RALGAPA2: variants seen among roughly 807,000 people sequenced by gnomAD.
The protein encoded by RALGAPA2 is ral GTPase-activating protein subunit alpha-2.
RALGAPA2 carries 139 observed loss-of-function variants against 230.4 expected under a neutral mutation model. That is an observed-to-expected ratio of 0.60 (90% CI 0.53 to 0.69). The LOEUF (loss-of-function observed/expected upper bound fraction) is 0.69. Among genes scored for constraint, RALGAPA2 ranks in the 30% least tolerant of loss-of-function variants. The pLI, the probability that RALGAPA2 is intolerant of heterozygous loss-of-function variation, is 0.00. For missense variants in RALGAPA2, 2,163 were observed against 2,276.0 expected (o/e 0.95, Z 1.01); for synonymous variants, 847 against 837.8 (o/e 1.01, Z -0.19).
intron 33 of RALGAPA2, among the ~76,000 whole-genome samples, chr20:20,508,275 A>T (rs1228885774): frequency 1.3e-5 from 2 of 152,258 alleles, no homozygotes; most frequent in Non-Finnish European, 2.9e-5. Context: ...ATAATTAGCA[A>T]CATCAACAGC....
At chr20:20,423,532 C>A (rs2122884130) in intron 37 of RALGAPA2, among the ~76,000 whole-genome samples, 1 of 152,298 alleles carries the variant, frequency 6.6e-6, no homozygotes, top group East Asian at 1.9e-4. Context: ...TTCCCTGGTA[C>A]CTGCCTCAAA....
chr20:20,673,470 A>T (rs2068210922), intron 3 of RALGAPA2, among the ~76,000 whole-genome samples: 1 of 152,032 alleles, frequency 6.6e-6, no homozygotes, highest in African/African-American at 2.4e-5. Flanking sequence ...TGACTCTCCA[A>T]AGAGATGCTT....
intron 1 of RALGAPA2, among the ~76,000 whole-genome samples, chr20:20,696,302 T>C (rs975462180): frequency 1.3e-5 from 2 of 152,198 alleles, no homozygotes; most frequent in Non-Finnish European, 2.9e-5. Context: ...TCTTCTCTTG[T>C]CTGCCTCCAG....
In RALGAPA2 at chr20:20,531,809, A is replaced by C. The variant is rs995828733; in HGVS notation, c.3474-14T>G. The C allele has an allele frequency of 1.3e-6, 2 of 1,554,552 alleles. No homozygotes were observed. The highest frequency in any genetic ancestry group is 1.8e-5 in the Admixed American group (1 of 54,708). ...ACAGCAATGCATCTTTTTAAAAAGA[A>C]GAAAACAGAGGAAAACTCTCATGAA... On this transcript the variant is annotated splice_polypyrimidine_tract_variant and intron_variant, in intron 26 of 39. Transcript: ENST00000202677.
At chr20:20,459,111 C>T (rs1367550997) in intron 37 of RALGAPA2, among the ~76,000 whole-genome samples, 1 of 151,844 alleles carries the variant, frequency 6.6e-6, no homozygotes, top group Non-Finnish European at 1.5e-5. Context: ...TATCAAAATA[C>T]ACTGAGCTTA....
intron 37 of RALGAPA2, among the ~76,000 whole-genome samples, chr20:20,448,949 C>T (rs1306507571): frequency 1.3e-5 from 2 of 151,966 alleles, no homozygotes; most frequent in African/African-American, 4.8e-5. Context: ...ATTAGCACCT[C>T]CCATGGCGGG....
intron 20 of RALGAPA2, among the ~76,000 whole-genome samples, chr20:20,576,352 T>G (rs566550994): frequency 6.6e-6 from 1 of 152,260 alleles, no homozygotes; most frequent in African/African-American, 2.4e-5. Flanking sequence ...AGCTGTCATG[T>G]CTCCATAGCC....
intron 4 of RALGAPA2, among the ~76,000 whole-genome samples, chr20:20,644,735 AC>A (rs2067150977): frequency 6.6e-6 from 1 of 152,204 alleles, no homozygotes; most frequent in Admixed American, 6.5e-5. Flanking sequence ...TCTAGAGCCA[AC>A]ATTTACTAGG....
At chr20:20,582,161 A>T (rs1320502540) in intron 20 of RALGAPA2, among the ~76,000 whole-genome samples, 4 of 146,066 alleles carry the variant, frequency 2.7e-5, no homozygotes, top group Non-Finnish European at 6.0e-5. Context: ...AGTGTCACAC[A>T]GTGTGTGTGT....
chr20:20,587,959 A>T (rs2065179961), intron 18 of RALGAPA2, among the ~76,000 whole-genome samples: 1 of 152,186 alleles, frequency 6.6e-6, no homozygotes, highest in South Asian at 2.1e-4. Context: ...TGACCAATAA[A>T]AATGAAAAAA....
In RALGAPA2 at chr20:20,646,267, G is replaced by A. The variant is rs141588299; in HGVS notation, c.329-2718C>T. ...ATGGGGTTTCACCATATGGTGATCC[G>A]CCCACCTTGGCCTCCCAAAGTCCTG... On this transcript the variant is annotated intron_variant, in intron 4 of 39. Coordinates refer to ENST00000202677, the MANE Select transcript of RALGAPA2 (RefSeq NM_020343.4). Among the ~76,000 whole-genome samples, 536 of 152,146 alleles carry A rather than the reference G, an allele frequency of 3.5e-3. 4 individuals are homozygous for A. The highest frequency in any genetic ancestry group is 0.013 in the African/African-American group (520 of 41,520).
intron 28 of RALGAPA2, 31 bp downstream of exon 28, chr20:20,526,221 A>C (rs201906144): frequency 7.1e-7 from 1 of 1,400,272 alleles, no homozygotes; most frequent in East Asian, 2.4e-5. Flanking sequence ...GGAAATGCTT[A>C]TGTTTTAGTA....
At chr20:20,494,671 C>CA (rs1411478857) in intron 36 of RALGAPA2, among the ~76,000 whole-genome samples, 3 of 152,200 alleles carry the variant, frequency 2.0e-5, no homozygotes, top group African/African-American at 4.8e-5. Context: ...GGATTGACCC[C>CA]ATTAGCACAG....
chr20:20,438,643 G>T (rs1348558726), intron 37 of RALGAPA2, among the ~76,000 whole-genome samples: 1 of 152,180 alleles, frequency 6.6e-6, no homozygotes, highest in Non-Finnish European at 1.5e-5. Flanking sequence ...CTGCACGCAC[G>T]CCAACTGTCC....
At chr20:20,627,292 A>T (rs1289815597) in intron 10 of RALGAPA2, among the ~76,000 whole-genome samples, 1 of 152,168 alleles carries the variant, frequency 6.6e-6, no homozygotes, top group Non-Finnish European at 1.5e-5. Context: ...TAAAATTAAG[A>T]TGCAAACATG....
chr20:20,607,236 T>C (rs1332735772), intron 14 of RALGAPA2, among the ~76,000 whole-genome samples: 1 of 152,220 alleles, frequency 6.6e-6, no homozygotes, highest in East Asian at 1.9e-4. Flanking sequence ...AATCAGTCTA[T>C]AAAATCAGAC....
At chr20:20,560,546 A>G (rs1012893322) in intron 23 of RALGAPA2, among the ~76,000 whole-genome samples, 2 of 152,242 alleles carry the variant, frequency 1.3e-5, no homozygotes, top group African/African-American at 2.4e-5. Flanking sequence ...CAAGGAGAGC[A>G]CTTTTCTCAC....
At position 20,635,460 on chromosome 20, in the gene RALGAPA2, T is replaced by A; in HGVS notation, c.963A>T (p.Gln321His). The part of the protein sequence containing the change: ...FLEKKYLTAT[Q>H]NTKNGVDVLP... ...ATACATCAACTCCATTTTTAGTGTT[T>A]TGTGTTGCAGTTAGATACTTTTTTT... Residue 321 changes from glutamine to histidine, a missense_variant, in exon 9 of 40, where the codon CAA becomes CAT. Physicochemically the swap from Gln to His is conservative, Grantham distance 24 (BLOSUM62 0). Coordinates refer to ENST00000202677, the MANE Select transcript of RALGAPA2 (RefSeq NM_020343.4). 6.2e-7 allele frequency: 1 copy of A among 1,602,480 alleles called. No individual in the cohort carries two copies. The highest frequency in any genetic ancestry group is 8.5e-7 in the Non-Finnish European group (1 of 1,175,996).
Position 20,653,533 on chromosome 20 carries a change from T to TG in RALGAPA2, c.324_325insC (p.Ile109HisfsTer16). Reference sequence around the variant, plus strand: ...AAAAATTTTTAATTGTTCTTACCTATACTCTGGTAATGCCATCGAAAGAAA... The same window carrying TG: ...AAAAATTTTTAATTGTTCTTACCTATGACTCTGGTAATGCCATCGAAAGAAA... On this transcript the variant is annotated frameshift_variant, in exon 4 of 40. Coordinates refer to ENST00000202677, the MANE Select transcript of RALGAPA2 (RefSeq NM_020343.4). LOFTEE classifies it high-confidence loss of function. 1 of 1,486,588 alleles carries TG rather than the reference T, an allele frequency of 6.7e-7. No homozygotes were observed. Among genetic ancestry groups the TG allele is most frequent in the South Asian group, 1.2e-5 (1 of 81,166 alleles). The allele number at this position is 1,486,588 out of a possible 1,614,324, so 92.1% of individuals were successfully genotyped here.
Sources: allele counts gnomAD v4.1 joint callset (sites outside exome capture counted in the v4.1 genomes callset), GRCh38; gene constraint gnomAD v4.1.1; transcripts MANE v1.5; gene names NCBI Gene and HGNC (gene_info 2026-07-23, HGNC 2026-07-21).